The following PDE1A variants were observed in gnomAD, a reference collection of about 807,000 sequenced individuals.
PDE1A encodes the protein dual specificity calcium/calmodulin-dependent 3',5'-cyclic nucleotide phosphodiesterase 1A.
A neutral mutation model predicts 61.7 loss-of-function variants in PDE1A; 35 were observed. That is an observed-to-expected ratio of 0.57 (90% CI 0.43 to 0.75). The LOEUF (loss-of-function observed/expected upper bound fraction) is 0.75, where lower values mean the gene tolerates loss of function less well. PDE1A is among the 30% of genes least tolerant of loss of function. The pLI is 0.00. For synonymous variants in PDE1A, 232 were observed against 213.2 expected (o/e 1.09, Z -0.77); for missense variants, 597 against 630.6 (o/e 0.95, Z 0.57).
intron 1 of PDE1A, among the ~76,000 whole-genome samples, chr2:182,394,207 T>C (rs1373586931): frequency 1.3e-5 from 2 of 152,202 alleles, no homozygotes; most frequent in Non-Finnish European, 2.9e-5. Context: ...AGAGGTTTAA[T>C]GGACTCACAG....
At chr2:182,388,067 C>T (rs774049329) in intron 1 of PDE1A, among the ~76,000 whole-genome samples, 1 of 151,930 alleles carries the variant, frequency 6.6e-6, no homozygotes, top group Non-Finnish European at 1.5e-5. Flanking sequence ...TTAAGTAAAA[C>T]CTATACAAAG....
intron 1 of PDE1A, among the ~76,000 whole-genome samples, chr2:182,372,547 T>C (rs892213453): frequency 7.9e-5 from 12 of 152,296 alleles, no homozygotes; most frequent in African/African-American, 2.9e-4. Context: ...ATTACAACAG[T>C]TCCTTAAGTA....
chr2:182,440,399 G>C (rs967478972), intron 2 of PDE1A, among the ~76,000 whole-genome samples: 1 of 152,046 alleles, frequency 6.6e-6, no homozygotes, highest in Non-Finnish European at 1.5e-5. Flanking sequence ...CTAACAGAAA[G>C]TAACTGTGGC....
chr2:182,244,776 A>G (rs1690827935), intron 2 of PDE1A, among the ~76,000 whole-genome samples: 1 of 152,104 alleles, frequency 6.6e-6, no homozygotes, highest in Non-Finnish European at 1.5e-5. Flanking sequence ...TGTATGAGAG[A>G]ACTTCTTTCC....
intron 1 of PDE1A, among the ~76,000 whole-genome samples, chr2:182,424,460 C>T (rs547039199): frequency 2.0e-5 from 3 of 152,120 alleles, no homozygotes; most frequent in Middle Eastern, 3.2e-3. Flanking sequence ...AGGTCTAGTA[C>T]ATGGGTCTCT....
chr2:182,225,678 G>T (rs1158323505), intron 6 of PDE1A, among the ~76,000 whole-genome samples: 1 of 139,114 alleles, frequency 7.2e-6, no homozygotes, highest in Non-Finnish European at 1.5e-5. Context: ...AGAAGTTTTG[G>T]GTTAATGTAT....
the PDE1A span, among the ~76,000 whole-genome samples, chr2:182,671,424 G>A: frequency 1.4e-5 from 2 of 138,934 alleles, no homozygotes; most frequent in South Asian, 2.3e-4. Context: ...TCCTGACCTC[G>A]TGATCCACCG....
chr2:182,614,497 G>C, the PDE1A span, among the ~76,000 whole-genome samples: 1 of 149,692 alleles, frequency 6.7e-6, no homozygotes, highest in South Asian at 2.1e-4. Context: ...ATTTTTCTTT[G>C]CTATATTTAT....
intron 2 of PDE1A, among the ~76,000 whole-genome samples, chr2:182,493,240 T>TC (rs386392010): frequency 6.6e-6 from 1 of 151,646 alleles, no homozygotes; most frequent in Non-Finnish European, 1.5e-5. Context: ...AACTTTTTTT[T>TC]TTTTTTGGAG....
intron 13 of PDE1A, among the ~76,000 whole-genome samples, chr2:182,177,593 G>A (rs1026095547): frequency 6.6e-6 from 1 of 151,898 alleles, no homozygotes; most frequent in Non-Finnish European, 1.5e-5. Flanking sequence ...TTATTTCTGG[G>A]GCCTCTGTTC....
chr2:182,472,813 T>C (rs1250261882), intron 2 of PDE1A, among the ~76,000 whole-genome samples: 1 of 151,888 alleles, frequency 6.6e-6, no homozygotes, highest in Non-Finnish European at 1.5e-5. Context: ...GTAAAGATTT[T>C]CTTTAGGCAA....
the PDE1A span, among the ~76,000 whole-genome samples, chr2:182,577,014 T>G: frequency 3.9e-5 from 6 of 152,220 alleles, no homozygotes; most frequent in Non-Finnish European, 7.3e-5. Flanking sequence ...TGCAAATATT[T>G]TTTCCAATTC....
chr2:182,262,819 G>A (rs889222103), intron 2 of PDE1A, among the ~76,000 whole-genome samples: 1 of 152,082 alleles, frequency 6.6e-6, no homozygotes, highest in African/African-American at 2.4e-5. Context: ...TCCATGAAAG[G>A]ATGAGGCAAA....
chr2:182,552,412 T>C, the PDE1A span, among the ~76,000 whole-genome samples: 2 of 152,182 alleles, frequency 1.3e-5, no homozygotes, highest in Admixed American at 1.3e-4. Flanking sequence ...CAGTAGGCAA[T>C]TGTTTGTAAA....
intron 1 of PDE1A, among the ~76,000 whole-genome samples, chr2:182,366,114 G>A (rs1420648337): frequency 6.6e-6 from 1 of 152,034 alleles, no homozygotes; most frequent in African/African-American, 2.4e-5. Context: ...ATAGGAGCAG[G>A]CACTGTGAGA....
chr2:182,616,804 G>T, the PDE1A span, among the ~76,000 whole-genome samples: 2 of 152,122 alleles, frequency 1.3e-5, no homozygotes, highest in Non-Finnish European at 2.9e-5. Context: ...AGAATCTCTG[G>T]GGACAGCGGG....
chr2:182,691,035 C>A, the PDE1A span, among the ~76,000 whole-genome samples: 1 of 152,144 alleles, frequency 6.6e-6, no homozygotes, highest in African/African-American at 2.4e-5. Context: ...AAAGAGGACA[C>A]AAACAAATGG....
At chr2:182,647,815 T>C in the PDE1A span, among the ~76,000 whole-genome samples, 4 of 152,004 alleles carry the variant, frequency 2.6e-5, no homozygotes, top group Non-Finnish European at 5.9e-5. Context: ...AAACCCAAAT[T>C]ACACAGTGAG....
At chr2:182,694,420 A>C in the PDE1A span, among the ~76,000 whole-genome samples, 1 of 152,200 alleles carries the variant, frequency 6.6e-6, no homozygotes, top group African/African-American at 2.4e-5. Context: ...TTTGCGCTGC[A>C]CTTGAGAAAC....
Sources: allele counts gnomAD v4.1 joint callset (sites outside exome capture counted in the v4.1 genomes callset), GRCh38; gene constraint gnomAD v4.1.1; transcripts MANE v1.5; gene names NCBI Gene and HGNC (gene_info 2026-07-23, HGNC 2026-07-21).